The following JPH3 variants were observed in gnomAD, a reference collection of about 807,000 sequenced individuals.
JPH3 encodes junctophilin-3.
In JPH3, 11 loss-of-function variants were observed where a neutral mutation model predicts 59.6. The observed-to-expected ratio is 0.18, with a 90% confidence interval of 0.12 to 0.31. The LOEUF is 0.31. Ranked by LOEUF, JPH3 falls within the 10% of genes least tolerant of loss-of-function variation. The pLI is 1.00. For synonymous variants in JPH3, 673 were observed against 483.6 expected, an observed-to-expected ratio of 1.39 and a Z score of -5.14; for missense variants, 1,202 against 1,105.7, an observed-to-expected ratio of 1.09 and a Z score of -1.24.
chr16:87,630,359 CCTT>C lies in JPH3; in HGVS notation c.383-13896_383-13894del, dbSNP rs529503025. 2.1e-3 allele frequency among the ~76,000 whole-genome samples: 313 copies of C among 152,300 alleles called. 2 individuals carry two copies. Among genetic ancestry groups the C allele is most frequent in the Non-Finnish European group, 3.6e-3 (247 of 68,026 alleles). ...CATCTTCCTCACCCTCATCTGCAGA[CCTT>C]CTGACACCACCTCTGCTGACCCCTC... On this transcript the variant is annotated intron_variant, in intron 1 of 4. Coordinates refer to ENST00000284262, the MANE Select transcript of JPH3 (RefSeq NM_020655.4).
At chr16:87,608,790 A>G (rs1233101103) in intron 1 of JPH3, among the ~76,000 whole-genome samples, 1 of 152,156 alleles carries the variant, frequency 6.6e-6, no homozygotes, top group Non-Finnish European at 1.5e-5. Context: ...CGATCCCAAC[A>G]CTTTGGGAGG....
At chr16:87,635,652 G>A (rs1028450240) in intron 1 of JPH3, among the ~76,000 whole-genome samples, 2 of 152,236 alleles carry the variant, frequency 1.3e-5, no homozygotes, top group Non-Finnish European at 2.9e-5. Context: ...CTGTGGGGAC[G>A]CAGCTGTGGC....
rs2030730258 is a variant in JPH3, at chr16:87,611,464, A to C, written c.382+7936A>C. ...CTCAGCTTCCCCATCTCTATGATTT[A>C]GTCATGACATTTTTTTCCTTCTCAA... On this transcript the variant is annotated intron_variant, in intron 1 of 4. Transcript: ENST00000284262. This position sits in a 1 kb window ranked among gnomAD's most constrained non-coding sequence, Gnocchi z 4.5. Among the ~76,000 whole-genome samples the C allele has an allele frequency of 6.6e-6, 1 of 152,094 alleles. No homozygotes were observed. The highest frequency in any genetic ancestry group is 2.4e-5 in the African/African-American group (1 of 41,402).
At position 87,635,712 on chromosome 16, in the gene JPH3, G is replaced by T. The variant is rs193263518; in HGVS notation, c.383-8546G>T. On this transcript the variant is annotated intron_variant, in intron 1 of 4. Coordinates refer to ENST00000284262, the MANE Select transcript of JPH3 (RefSeq NM_020655.4). ...CATCTCATCCGCTCTCTGCGAGTCT[G>T]TGGTGGTTCTAGTCGGCGTTTCACG... is the stretch of plus-strand genomic sequence containing the variant. 5.4e-4 allele frequency among the ~76,000 whole-genome samples: 83 copies of T among 152,358 alleles called. 1 individual carries two copies. The highest frequency in any genetic ancestry group is 1.9e-3 in the African/African-American group (80 of 41,598).
rs139186864 is a variant in JPH3, at chr16:87,667,924, G to A, written c.1161-16218G>A. Among the ~76,000 whole-genome samples the A allele has an allele frequency of 3.8e-3, 580 of 152,246 alleles. 2 individuals carry two copies. The highest frequency in any genetic ancestry group is 8.1e-3 in the African/African-American group (338 of 41,528). On this transcript the variant is annotated intron_variant, in intron 2 of 4. Coordinates refer to ENST00000284262, the MANE Select transcript of JPH3 (RefSeq NM_020655.4). ...TTGGGCTGTGTTGAGCCTGTGGCGC[G>A]TGCACAGGCCCCTGCCCTTGGTGGA...
At chr16:87,604,734 GTAAT>G (rs2030449489) in intron 1 of JPH3, 1 of 999,392 alleles carries the variant, frequency 1.0e-6, no homozygotes, top group Non-Finnish European at 1.3e-6. Flanking sequence ...GGGCTGGAGA[GTAAT>G]TATTATTTTG....
In JPH3 at chr16:87,645,054, G is replaced by A. The variant is rs117025123; in HGVS notation, c.1160+19G>A. 24,314 of 1,586,390 alleles carry A rather than the reference G, an allele frequency of 0.015. 224 individuals carry two copies. Among genetic ancestry groups the A allele is most frequent in the Non-Finnish European group, 0.019 (22,284 of 1,172,744 alleles). ...CTTCCAGGTAGGAGGGCGAGGGGGC[G>A]GGGGGCCCTTCTTGGTGCCCAGAAG... On this transcript the variant is annotated intron_variant, in intron 2 of 4. Transcript: ENST00000284262.
intron 4 of JPH3, chr16:87,695,145 C>G: frequency 8.3e-6 from 3 of 361,308 alleles, no homozygotes; most frequent in South Asian, 6.2e-5. Context: ...GCAGCAGCTG[C>G]TTCGTTGTGG....
chr16:87,639,553 C>T (rs1455773806), intron 1 of JPH3, among the ~76,000 whole-genome samples: 2 of 152,216 alleles, frequency 1.3e-5, no homozygotes, highest in African/African-American at 4.8e-5. Flanking sequence ...AGAACTTTCT[C>T]ATCTTCCCAA....
At chr16:87,667,615 C>T (rs998604853) in intron 2 of JPH3, among the ~76,000 whole-genome samples, 7 of 152,200 alleles carry the variant, frequency 4.6e-5, no homozygotes, top group Admixed American at 4.6e-4. Context: ...TCTTAGTCCT[C>T]ACCTGTGACA....
intron 1 of JPH3, chr16:87,604,652 C>A: frequency 3.4e-6 from 4 of 1,163,906 alleles, no homozygotes; most frequent in South Asian, 1.8e-5. Context: ...CCTCCCCGCC[C>A]GCTCGCTGCC....
intron 3 of JPH3, among the ~76,000 whole-genome samples, chr16:87,687,718 G>C (rs116444087): frequency 6.6e-6 from 1 of 152,188 alleles, no homozygotes; most frequent in African/African-American, 2.4e-5. Context: ...GCTCATTCTA[G>C]CTGAGGGTGC....
In JPH3 at chr16:87,636,038, G is replaced by A. The variant is rs549317702; in HGVS notation, c.383-8220G>A. On this transcript the variant is annotated intron_variant, in intron 1 of 4. Coordinates refer to ENST00000284262, the MANE Select transcript of JPH3 (RefSeq NM_020655.4). ...CGTGCTGACCGAGCCAGACCCTCGCGGCGGCCCACAGAGATGGGCAGCTTG... is the reference window on the plus strand; with the variant it reads ...CGTGCTGACCGAGCCAGACCCTCGCAGCGGCCCACAGAGATGGGCAGCTTG... Among the ~76,000 whole-genome samples, 6 of 152,222 alleles carry A rather than the reference G, an allele frequency of 3.9e-5. No individual in the cohort carries two copies. In the East Asian group the frequency reaches 5.8e-4, roughly 15 times the overall value.
At chr16:87,629,272 T>C (rs933838025) in intron 1 of JPH3, among the ~76,000 whole-genome samples, 2 of 151,930 alleles carry the variant, frequency 1.3e-5, no homozygotes, top group Admixed American at 1.3e-4. Context: ...CTGCGGTGGC[T>C]CATGAAGGTT....
chr16:87,691,292 AGGAATGAAGGGCTTTG>A (rs1226633089), intron 4 of JPH3, among the ~76,000 whole-genome samples: 7 of 152,280 alleles, frequency 4.6e-5, no homozygotes, highest in African/African-American at 1.2e-4. Context: ...CCAGTGCTGC[AGGAATGAAGGGCTTTG>A]GGAATGAAGG....
Position 87,690,095 on chromosome 16 carries a change from C to A in JPH3, c.1735C>A (p.Pro579Thr). Residue 579 changes from proline (P) to threonine (T), a missense_variant, in exon 4 of 5, where the codon CCC becomes ACC. Physicochemically the swap from Pro to Thr is conservative, Grantham distance 38 (BLOSUM62 -1). Coordinates refer to ENST00000284262, the MANE Select transcript of JPH3 (RefSeq NM_020655.4). ...PKPRERRTES[P>T]PVFTWTSHHR... ...GCCGCGGGAGCGGCGGACGGAGTCA[C>A]CCCCCGTGTTCACGTGGACTTCCCA... 6.4e-7 allele frequency: 1 copy of A among 1,572,094 alleles called. No homozygotes were observed. Among genetic ancestry groups the A allele is most frequent in the Non-Finnish European group, 8.6e-7 (1 of 1,159,416 alleles).
intron 3 of JPH3, among the ~76,000 whole-genome samples, chr16:87,689,110 A>G (rs1282894157): frequency 6.6e-6 from 1 of 152,050 alleles, no homozygotes; most frequent in African/African-American, 2.4e-5. Context: ...CAGCCTCGAA[A>G]GGTGGGGAGG....
At chr16:87,695,342 G>A (rs768925215) in intron 4 of JPH3, 5 of 455,988 alleles carry the variant, frequency 1.1e-5, no homozygotes, top group Non-Finnish European at 1.3e-5. Flanking sequence ...TAACAGGGAG[G>A]GGGAGGAGAG....
chr16:87,619,723 A>G (rs1567584619), intron 1 of JPH3, among the ~76,000 whole-genome samples: 2 of 152,196 alleles, frequency 1.3e-5, no homozygotes, highest in African/African-American at 4.8e-5. Context: ...CTGAGCGCCG[A>G]CTGTGTGCTA....
Sources: allele counts gnomAD v4.1 joint callset (sites outside exome capture counted in the v4.1 genomes callset), GRCh38; gene constraint gnomAD v4.1.1; non-coding constraint Gnocchi (gnomAD v3.1); transcripts MANE v1.5; gene names NCBI Gene and HGNC (gene_info 2026-07-23, HGNC 2026-07-21).